Variants in SLC2A12 observed in about 807,000 individuals in gnomAD.
The protein encoded by SLC2A12 is solute carrier family 2, facilitated glucose transporter member 12.
Under a neutral mutation model 41.8 loss-of-function variants are expected in SLC2A12, and 23 were observed. The observed-to-expected ratio is 0.55, with a 90% confidence interval of 0.40 to 0.78. The LOEUF (loss-of-function observed/expected upper bound fraction) is 0.78. Ranked by LOEUF, SLC2A12 falls within the 30% of genes least tolerant of loss-of-function variation. The probability of loss-of-function intolerance (pLI) is 0.00; values close to 1 mark genes in which losing one functional copy is unlikely to be tolerated. For synonymous variants in SLC2A12, 295 were observed against 285.9 expected (o/e 1.03, Z -0.32); for missense variants, 654 against 745.6 (o/e 0.88, Z 1.43).
chr6:134,044,044 T>C (rs1043157886), intron 1 of SLC2A12, among the ~76,000 whole-genome samples: 1 of 152,148 alleles, frequency 6.6e-6, no homozygotes, highest in Non-Finnish European at 1.5e-5. Context: ...TCTCCAAACA[T>C]GTTCAAGCTA....
chr6:133,993,231 G>A (rs1776646424), intron 4 of SLC2A12, among the ~76,000 whole-genome samples: 1 of 152,146 alleles, frequency 6.6e-6, no homozygotes. Context: ...CTTATAAGCT[G>A]ATGGCCACCC....
chr6:134,043,090 T>C (rs902154332), intron 1 of SLC2A12, among the ~76,000 whole-genome samples: 1 of 152,184 alleles, frequency 6.6e-6, no homozygotes, highest in Non-Finnish European at 1.5e-5. Context: ...AATATTCAAT[T>C]GCACTACAGC....
chr6:134,028,944 T>A lies in SLC2A12; in HGVS notation c.881A>T (p.Gln294Leu). 1 of 1,614,246 alleles carries A rather than the reference T, an allele frequency of 6.2e-7. No homozygotes were observed. The highest frequency in any genetic ancestry group is 8.5e-7 in the Non-Finnish European group (1 of 1,180,036). ...TGATGCATAGAACAATATGTTTGGT[T>A]GGCCAGTGATTTGTACAAAAAATAC... ...TLVFFVQITG[Q>L]PNILFYASTV... Residue 294 changes from glutamine to leucine, a missense_variant, in exon 2 of 5, where the codon CAA (glutamine) becomes CTA (leucine). Coordinates refer to ENST00000275230, the MANE Select transcript of SLC2A12 (RefSeq NM_145176.3).
chr6:134,038,267 G>A (rs1050187713), intron 1 of SLC2A12, among the ~76,000 whole-genome samples: 1 of 150,818 alleles, frequency 6.6e-6, no homozygotes, highest in African/African-American at 2.4e-5. Flanking sequence ...GTTTAAATTT[G>A]CATGTTAGTA....
intron 2 of SLC2A12, among the ~76,000 whole-genome samples, chr6:134,027,011 T>C (rs1777122429): frequency 6.6e-6 from 1 of 152,190 alleles, no homozygotes; most frequent in Non-Finnish European, 1.5e-5. Flanking sequence ...ATATCAGCCA[T>C]GTGCAAGTCT....
In SLC2A12 at chr6:133,990,907, C is replaced by CT. The variant is rs368176248; in HGVS notation, c.*247dup. On this transcript the variant is annotated 3_prime_UTR_variant, in exon 5 of 5. Coordinates refer to ENST00000275230, the MANE Select transcript of SLC2A12 (RefSeq NM_145176.3). ...TAGAAAGTATTAAACCAGCCAGTAACTTTTTTTTTTTAACCTGATATCCTG... is the reference window on the plus strand; with the variant it reads ...TAGAAAGTATTAAACCAGCCAGTAACTTTTTTTTTTTTAACCTGATATCCTG... 0.018 allele frequency: 5,847 copies of CT among 327,994 alleles called. No homozygotes were observed. The highest frequency in any genetic ancestry group is 0.025 in the East Asian group (502 of 20,370). 20.3% of individuals were successfully genotyped at this position (327,994 alleles called of 1,614,324 possible).
At chr6:134,049,312 T>C (rs1582631208) in intron 1 of SLC2A12, among the ~76,000 whole-genome samples, 1 of 152,214 alleles carries the variant, frequency 6.6e-6, no homozygotes, top group African/African-American at 2.4e-5. Flanking sequence ...ATATTGTTCT[T>C]GTTTTCTGAA....
At chr6:134,019,668 T>G (rs1777015384) in intron 2 of SLC2A12, among the ~76,000 whole-genome samples, 1 of 152,160 alleles carries the variant, frequency 6.6e-6, no homozygotes, top group Admixed American at 6.5e-5. Context: ...ATGAACCTCT[T>G]CGGTAGGCTG....
chr6:134,008,874 G>A (rs1776845484), intron 2 of SLC2A12, among the ~76,000 whole-genome samples: 1 of 152,130 alleles, frequency 6.6e-6, no homozygotes, highest in African/African-American at 2.4e-5. Context: ...ATGAGGAGGA[G>A]GTGGGGTAAA....
At chr6:134,006,176 G>GAGAAA (rs1776810805) in intron 3 of SLC2A12, among the ~76,000 whole-genome samples, 1 of 61,770 alleles carries the variant, frequency 1.6e-5, no homozygotes, top group African/African-American at 5.7e-5. Flanking sequence ...GAGACTATCG[G>GAGAAA]AAAAAAAAAA....
rs1175121474 is a variant in SLC2A12 at position 134,013,524 on chromosome 6, T to C, written c.1445-6590A>G. On this transcript the variant is annotated intron_variant, in intron 2 of 4. Coordinates refer to ENST00000275230, the MANE Select transcript of SLC2A12 (RefSeq NM_145176.3). ...ATGAGATGGATGGGGAGTTTTTTTCTTTATTTTGTATCTGTGGTTGAATGT... is the reference window on the plus strand; with the variant it reads ...ATGAGATGGATGGGGAGTTTTTTTCCTTATTTTGTATCTGTGGTTGAATGT... Among the ~76,000 whole-genome samples, 4 of 152,218 alleles carry C rather than the reference T, an allele frequency of 2.6e-5. No homozygotes were observed. The East Asian group carries it at 7.7e-4, about 29-fold the overall frequency.
At chr6:134,022,173 T>C (rs1051791863) in intron 2 of SLC2A12, among the ~76,000 whole-genome samples, 6 of 151,774 alleles carry the variant, frequency 4.0e-5, no homozygotes, top group African/African-American at 1.5e-4. Flanking sequence ...AGAAAGAACA[T>C]GGATTAGCTT....
chr6:134,018,976 A>G (rs1225275312), intron 2 of SLC2A12, among the ~76,000 whole-genome samples: 1 of 152,190 alleles, frequency 6.6e-6, no homozygotes, highest in Non-Finnish European at 1.5e-5. Context: ...CAGAGTTGGT[A>G]GAAGAGATCA....
At position 133,989,820 on chromosome 6, in the gene SLC2A12, T is replaced by A. The variant is rs1252747262; in HGVS notation, c.*1335A>T. 6.6e-6 allele frequency: 1 copy of A among 152,192 alleles called. No individual in the cohort carries two copies. The highest frequency in any genetic ancestry group is 6.5e-5 in the Admixed American group (1 of 15,284). The allele number at this position is 152,192 out of a possible 1,614,324, so 9.4% of individuals were successfully genotyped here. A position where few individuals can be genotyped will look rare whatever the true frequency, so the allele number is the denominator to read the frequency against. On this transcript the variant is annotated 3_prime_UTR_variant, in exon 5 of 5. Coordinates refer to ENST00000275230, the MANE Select transcript of SLC2A12 (RefSeq NM_145176.3). ...AGGAACCAATAGGAAAATTCCAAGC[T>A]AAATAAAAAGGAGCTTTGGCTCTTA...
chr6:134,033,217 G>A (rs955964165), intron 1 of SLC2A12, among the ~76,000 whole-genome samples: 2 of 151,742 alleles, frequency 1.3e-5, no homozygotes, highest in Admixed American at 6.6e-5. Flanking sequence ...AGTATAATGG[G>A]GCCAAAAAAC....
chr6:134,039,260 C>G (rs1451818702), intron 1 of SLC2A12, among the ~76,000 whole-genome samples: 23 of 152,190 alleles, frequency 1.5e-4, no homozygotes, highest in Admixed American at 1.5e-3. Context: ...TCACAGATTT[C>G]AGATGATGAT....
At position 134,029,433 on chromosome 6, in the gene SLC2A12, G is replaced by A. The variant is rs200149363; in HGVS notation, c.392C>T (p.Thr131Met). The change falls in exon 2 of 5, where the codon ACG (threonine) becomes ATG (methionine). Residue 131 changes from threonine to methionine, a missense_variant. Transcript: ENST00000275230. ...GGCAATGCGTCCCACTATAAGAACCGTGTAGGATAAACTGAGGATCAAGAC... is the reference window on the plus strand; with the variant it reads ...GGCAATGCGTCCCACTATAAGAACCATGTAGGATAAACTGAGGATCAAGAC... ...SLVLILSLSY[T>M]VLIVGRIAIG... is the part of the protein sequence containing the mutation. The A allele has an allele frequency of 4.8e-5, 78 of 1,614,148 alleles. No homozygotes were observed. In the East Asian group the frequency reaches 7.8e-4, roughly 16 times the overall value.
intron 2 of SLC2A12, among the ~76,000 whole-genome samples, chr6:134,016,085 A>G (rs1448716956): frequency 6.6e-6 from 1 of 152,078 alleles, no homozygotes; most frequent in Non-Finnish European, 1.5e-5. Flanking sequence ...GGTCTCTCAC[A>G]TTTCTTCATG....
rs1008358779 is a variant in SLC2A12 at position 133,988,367 on chromosome 6, G to C, written c.*2788C>G. 1.1e-4 allele frequency: 17 copies of C among 152,182 alleles called. No homozygotes were observed. The highest frequency in any genetic ancestry group is 2.2e-4 in the Non-Finnish European group (15 of 68,024). 9.4% of individuals were successfully genotyped at this position (152,182 alleles called of 1,614,324 possible). ...TTAGGAGTTTAGTGTAACCAACAGTGATTATACCTAGAAATAAAGCTGAGT... is the reference window on the plus strand; with the variant it reads ...TTAGGAGTTTAGTGTAACCAACAGTCATTATACCTAGAAATAAAGCTGAGT... On this transcript the variant is annotated 3_prime_UTR_variant, in exon 5 of 5. Transcript: ENST00000275230.
Sources: gnomAD v4.1 joint callset for allele counts (sites outside exome capture counted in the v4.1 genomes callset) on GRCh38, gnomAD v4.1.1 for gene constraint, MANE v1.5 for transcripts, NCBI Gene and HGNC (gene_info 2026-07-23, HGNC 2026-07-21) for gene names.